TASP1: variants seen among roughly 807,000 people sequenced by gnomAD.
The protein encoded by TASP1 is taspase 1, also known as threonine aspartase 1.
A neutral mutation model predicts 56.6 loss-of-function variants in TASP1; 16 were observed. The ratio of observed to expected loss-of-function variants is 0.28; its 90% CI spans 0.19 to 0.43. The LOEUF is 0.43. Ranked by LOEUF, TASP1 falls within the 20% of genes least tolerant of loss-of-function variation. The probability of loss-of-function intolerance (pLI) is 1.00; values close to 1 mark genes in which losing one functional copy is unlikely to be tolerated. For synonymous variants in TASP1, 179 were observed against 184.2 expected, an observed-to-expected ratio of 0.97 and a Z score of 0.23; for missense variants, 393 against 511.6, an observed-to-expected ratio of 0.77 and a Z score of 2.24.
chr20:13,436,451 A>G (rs1002401166), intron 11 of TASP1, among the ~76,000 whole-genome samples: 1 of 152,122 alleles, frequency 6.6e-6, no homozygotes, highest in Non-Finnish European at 1.5e-5. Context: ...AGCTCTTTAC[A>G]GAAAAACTTT....
At chr20:13,411,197 T>C (rs2042084010) in intron 13 of TASP1, among the ~76,000 whole-genome samples, 1 of 152,178 alleles carries the variant, frequency 6.6e-6, no homozygotes, top group South Asian at 2.1e-4. Flanking sequence ...CCTGTTTTTA[T>C]CATAATGTTT....
chr20:13,482,603 T>C (rs995039925), intron 11 of TASP1, among the ~76,000 whole-genome samples: 5 of 152,216 alleles, frequency 3.3e-5, no homozygotes, highest in Non-Finnish European at 1.5e-5. Flanking sequence ...TTTATAGTTT[T>C]AGTTACAGAG....
chr20:13,255,004 C>T, the TASP1 span, among the ~76,000 whole-genome samples: 5 of 152,208 alleles, frequency 3.3e-5, no homozygotes, highest in Admixed American at 6.5e-5. Context: ...AGAACAGACA[C>T]GGTCCCTGCC....
intron 10 of TASP1, among the ~76,000 whole-genome samples, chr20:13,522,331 G>C (rs768874581): frequency 2.0e-5 from 3 of 152,162 alleles, no homozygotes; most frequent in Non-Finnish European, 2.9e-5. Flanking sequence ...AAAAGCAAGA[G>C]ACCAGCTAGG....
At chr20:13,235,215 T>C in the TASP1 span, among the ~76,000 whole-genome samples, 1 of 152,174 alleles carries the variant, frequency 6.6e-6, no homozygotes, top group Non-Finnish European at 1.5e-5. Context: ...ACACTATGGG[T>C]CTCCCATTCT....
At chr20:13,247,517 GGTGTGTGTGTGTGTGT>G in the TASP1 span, among the ~76,000 whole-genome samples, 207 of 139,912 alleles carry the variant, frequency 1.5e-3, no homozygotes, top group South Asian at 0.017. Context: ...CAAAGTGAGG[GGTGTGTGTGTGTGTGT>G]GTGTGTGTGT....
chr20:13,107,788 T>A, the TASP1 span, among the ~76,000 whole-genome samples: 2 of 151,868 alleles, frequency 1.3e-5, no homozygotes, highest in African/African-American at 2.4e-5. Flanking sequence ...TTTTTTTTTT[T>A]TGTATCTGTT....
chr20:13,106,752 G>C, the TASP1 span, among the ~76,000 whole-genome samples: 5 of 152,324 alleles, frequency 3.3e-5, no homozygotes, highest in African/African-American at 4.8e-5. Context: ...GCCAACCTGA[G>C]ACCAGGGGGC....
In TASP1 at chr20:13,587,200, T is replaced by A. The variant is rs1445411256; in HGVS notation, c.403+50A>T. On this transcript the variant is annotated intron_variant, in intron 5 of 13. Transcript: ENST00000337743. ...GTAATCATCTTTAGAAGGCATGAAA[T>A]GGTCACGTGCATGATTTTCCAAAGA... The A allele has an allele frequency of 1.9e-6, 3 of 1,558,778 alleles. No homozygotes were observed. The African/African-American group carries it at 4.2e-5, about 22-fold the overall frequency.
the TASP1 span, among the ~76,000 whole-genome samples, chr20:13,119,729 G>A: frequency 6.6e-6 from 1 of 152,176 alleles, no homozygotes; most frequent in African/African-American, 2.4e-5. Context: ...AGCGTGTCTG[G>A]CAGAGATTCG....
At chr20:13,495,833 G>C (rs1397117434) in intron 10 of TASP1, among the ~76,000 whole-genome samples, 1 of 152,034 alleles carries the variant, frequency 6.6e-6, no homozygotes, top group Non-Finnish European at 1.5e-5. Flanking sequence ...ACCTAAGACT[G>C]TGCTTCCCAA....
chr20:13,254,888 C>A, the TASP1 span, among the ~76,000 whole-genome samples: 1 of 152,230 alleles, frequency 6.6e-6, no homozygotes, highest in African/African-American at 2.4e-5. Flanking sequence ...TTTGTCATTC[C>A]TTCCTTTTCC....
At chr20:13,445,974 T>TAC (rs2043396061) in intron 11 of TASP1, among the ~76,000 whole-genome samples, 1 of 152,198 alleles carries the variant, frequency 6.6e-6, no homozygotes, top group Admixed American at 6.6e-5. Context: ...ATCAGTTCTG[T>TAC]ACCAACCAAT....
intron 11 of TASP1, among the ~76,000 whole-genome samples, chr20:13,440,167 A>AC (rs1192340809): frequency 4.6e-5 from 7 of 152,340 alleles, no homozygotes; most frequent in Non-Finnish European, 1.0e-4. Context: ...ATTATTTCCA[A>AC]CCTAGAATTC....
At chr20:13,140,695 G>A in the TASP1 span, among the ~76,000 whole-genome samples, 1 of 152,000 alleles carries the variant, frequency 6.6e-6, no homozygotes, top group Non-Finnish European at 1.5e-5. Context: ...CAGTTATTAG[G>A]AGAAAAAAGT....
the TASP1 span, among the ~76,000 whole-genome samples, chr20:13,379,336 C>G: frequency 6.6e-6 from 1 of 152,148 alleles, no homozygotes; most frequent in Non-Finnish European, 1.5e-5. Flanking sequence ...GCTTATGAAG[C>G]TTAGTTTGGC....
At chr20:13,505,125 T>C (rs2044082769) in intron 10 of TASP1, among the ~76,000 whole-genome samples, 1 of 152,048 alleles carries the variant, frequency 6.6e-6, no homozygotes, top group Admixed American at 6.6e-5. Context: ...GGAGCTATAT[T>C]TATTATAAGA....
intron 10 of TASP1, among the ~76,000 whole-genome samples, chr20:13,518,889 T>C (rs999996963): frequency 5.9e-5 from 9 of 152,254 alleles, no homozygotes; most frequent in East Asian, 1.9e-4. Flanking sequence ...ATGTCCATCA[T>C]AGTATTATTC....
chr20:13,412,982 G>C (rs2042140399), intron 13 of TASP1, among the ~76,000 whole-genome samples: 1 of 151,962 alleles, frequency 6.6e-6, no homozygotes, highest in South Asian at 2.1e-4. Flanking sequence ...TTACAGATGA[G>C]GCCTCTGGGA....
Sources: allele counts gnomAD v4.1 joint callset (sites outside exome capture counted in the v4.1 genomes callset), GRCh38; gene constraint gnomAD v4.1.1; transcripts MANE v1.5; gene names NCBI Gene and HGNC (gene_info 2026-07-23, HGNC 2026-07-21).